FTCDNL1: variants seen among roughly 807,000 people sequenced by gnomAD.
FTCDNL1 encodes the protein formiminotransferase N-terminal subdomain-containing protein.
Under a neutral mutation model 5.9 loss-of-function variants are expected in FTCDNL1, and 11 were observed. That is an observed-to-expected ratio of 1.87 (90% CI 1.18 to 3.10). The LOEUF (loss-of-function observed/expected upper bound fraction) is 3.10, where lower values mean the gene tolerates loss of function less well. Among genes scored for constraint, FTCDNL1 ranks in the 30% most tolerant of loss-of-function variants. FTCDNL1 has a pLI of 0.00. For missense variants in FTCDNL1, 115 were observed against 65.5 expected (o/e 1.76, Z -2.61); for synonymous variants, 58 against 24.8 (o/e 2.34, Z -3.99).
downstream of FTCDNL1, among the ~76,000 whole-genome samples, chr2:199,806,299 G>A (rs1026955751): frequency 3.9e-5 from 6 of 152,242 alleles, no homozygotes; most frequent in East Asian, 3.9e-4. Context: ...TCGGGAGCAC[G>A]GTCTGGATGC....
the FTCDNL1 span, among the ~76,000 whole-genome samples, chr2:199,697,202 G>T: frequency 6.6e-6 from 1 of 152,128 alleles, no homozygotes; most frequent in African/African-American, 2.4e-5. Context: ...AACCTGGGAG[G>T]CAGAGCTTGC....
At chr2:199,842,274 T>C (rs1043163517) in intron 3 of FTCDNL1, among the ~76,000 whole-genome samples, 4 of 151,722 alleles carry the variant, frequency 2.6e-5, no homozygotes, top group South Asian at 4.2e-4. Context: ...TCTCAAAAAA[T>C]TTAAAAAAAA....
chr2:199,742,906 C>A, the FTCDNL1 span, among the ~76,000 whole-genome samples: 8 of 152,192 alleles, frequency 5.3e-5, no homozygotes, highest in Non-Finnish European at 1.2e-4. Flanking sequence ...CACAAAGGAA[C>A]TACAAATGGG....
At chr2:199,760,391 A>G (rs1321585935), downstream of FTCDNL1, among the ~76,000 whole-genome samples, 1 of 152,166 alleles carries the variant, frequency 6.6e-6, no homozygotes, top group African/African-American at 2.4e-5. Context: ...TGTCATTTAC[A>G]ACCAGTTAAT....
chr2:199,839,760 G>A (rs1426833026), intron 3 of FTCDNL1, among the ~76,000 whole-genome samples: 1 of 152,150 alleles, frequency 6.6e-6, no homozygotes, highest in African/African-American at 2.4e-5. Context: ...TAGCAATGTG[G>A]AAACAAGAAC....
the FTCDNL1 span, among the ~76,000 whole-genome samples, chr2:199,727,316 C>T: frequency 2.0e-5 from 3 of 152,190 alleles, no homozygotes; most frequent in Non-Finnish European, 4.4e-5. Context: ...CCTCAGAGAA[C>T]TTGATCATCT....
chr2:199,836,102 C>T (rs1056188546), intron 3 of FTCDNL1, among the ~76,000 whole-genome samples: 2 of 152,154 alleles, frequency 1.3e-5, no homozygotes, highest in African/African-American at 4.8e-5. Context: ...CATGTATCCC[C>T]CCATTTGTTC....
chr2:199,669,879 T>G, the FTCDNL1 span, among the ~76,000 whole-genome samples: 1 of 152,186 alleles, frequency 6.6e-6, no homozygotes, highest in South Asian at 2.1e-4. Context: ...GGGAATTTTA[T>G]AATAAAATAT....
At chr2:199,701,876 A>T in the FTCDNL1 span, among the ~76,000 whole-genome samples, 1 of 152,084 alleles carries the variant, frequency 6.6e-6, no homozygotes, top group Non-Finnish European at 1.5e-5. Context: ...CTCTACTAAA[A>T]ATACAAAAGT....
chr2:199,772,991 C>G (rs913539415), intron 3 of FTCDNL1, among the ~76,000 whole-genome samples: 13 of 152,150 alleles, frequency 8.5e-5, no homozygotes, highest in African/African-American at 2.7e-4. Context: ...AACTGTTAAC[C>G]TGTTTTGTTT....
At chr2:199,738,469 TACTA>T in the FTCDNL1 span, among the ~76,000 whole-genome samples, 2 of 152,252 alleles carry the variant, frequency 1.3e-5, no homozygotes, top group Non-Finnish European at 1.5e-5. Context: ...AGGGTGAAAT[TACTA>T]ACTAATTAGC....
the FTCDNL1 span, among the ~76,000 whole-genome samples, chr2:199,749,312 G>C: frequency 1.3e-5 from 2 of 152,092 alleles, no homozygotes; most frequent in African/African-American, 4.8e-5. Flanking sequence ...ATAAATACAT[G>C]GCTAAAGGAA....
At chr2:199,844,187 C>T (rs1415474512) in intron 3 of FTCDNL1, among the ~76,000 whole-genome samples, 1 of 151,206 alleles carries the variant, frequency 6.6e-6, no homozygotes, top group Admixed American at 6.6e-5. Flanking sequence ...TATCCCACAA[C>T]ATTTAGTGTT....
At chr2:199,844,639 TAGA>T (rs2076680662) in intron 3 of FTCDNL1, 4 of 422,906 alleles carry the variant, frequency 9.5e-6, no homozygotes, top group African/African-American at 6.1e-5. Flanking sequence ...GTAATCTGTG[TAGA>T]AGATTTTTTG....
chr2:199,807,429 G>C (rs1700785663), downstream of FTCDNL1, among the ~76,000 whole-genome samples: 1 of 152,062 alleles, frequency 6.6e-6, no homozygotes, highest in East Asian at 1.9e-4. Context: ...CCTGAGCTCA[G>C]GAGTTCAAGA....
At chr2:199,698,996 T>C in the FTCDNL1 span, among the ~76,000 whole-genome samples, 1 of 152,150 alleles carries the variant, frequency 6.6e-6, no homozygotes, top group Non-Finnish European at 1.5e-5. Context: ...CAATTCTATG[T>C]ACACAAACTA....
rs1034636248 is a variant in FTCDNL1, at chr2:199,811,327, C to T, written c.*1378G>A. 1.3e-5 allele frequency among the ~76,000 whole-genome samples: 2 copies of T among 152,148 alleles called. No individual in the cohort carries two copies. Among genetic ancestry groups the T allele is most frequent in the African/African-American group, 4.8e-5 (2 of 41,444 alleles). Reference sequence around the variant, plus strand: ...CTTCCAAACATTTTTCTCTCATTTACCCCCCAATAAGTCATGTTACAAATA... The same window carrying T: ...CTTCCAAACATTTTTCTCTCATTTATCCCCCAATAAGTCATGTTACAAATA... On this transcript the variant is annotated 3_prime_UTR_variant, in exon 5 of 5. Transcript: ENST00000420128.
chr2:199,744,531 G>A, the FTCDNL1 span, among the ~76,000 whole-genome samples: 2 of 152,146 alleles, frequency 1.3e-5, no homozygotes, highest in Non-Finnish European at 2.9e-5. Context: ...CAGGAAGAGA[G>A]GCCTCAGGAG....
the FTCDNL1 span, among the ~76,000 whole-genome samples, chr2:199,701,327 A>T: frequency 7.1e-4 from 6 of 8,460 alleles, 2 homozygotes; most frequent in East Asian, 7.7e-3. Flanking sequence ...AAAAAAAAAA[A>T]AAAAAAAAAA....
Sources: gnomAD v4.1 joint callset for allele counts (sites outside exome capture counted in the v4.1 genomes callset) on GRCh38, gnomAD v4.1.1 for gene constraint, MANE v1.5 for transcripts, NCBI Gene and HGNC (gene_info 2026-07-23, HGNC 2026-07-21) for gene names.